TMEM132C: variants seen among roughly 807,000 people sequenced by gnomAD.
The protein encoded by TMEM132C is protein phosphatase 1, regulatory subunit 152.
Under a neutral mutation model 61.4 loss-of-function variants are expected in TMEM132C, and 29 were observed. The ratio of observed to expected loss-of-function variants is 0.47; its 90% CI spans 0.35 to 0.64. The LOEUF (loss-of-function observed/expected upper bound fraction) is 0.64. Among genes scored for constraint, TMEM132C ranks in the 30% least tolerant of loss-of-function variants. The pLI, the probability that TMEM132C is intolerant of heterozygous loss-of-function variation, is 0.00. For synonymous variants in TMEM132C, 656 were observed against 633.1 expected, an observed-to-expected ratio of 1.04 and a Z score of -0.54; for missense variants, 1,408 against 1,476.9, an observed-to-expected ratio of 0.95 and a Z score of 0.76.
rs147447658 is a variant in TMEM132C, at chr12:128,568,550, G to C, written c.1121+24447G>C. ...TAATCTCCACATCCCTACGAGGTGGGTGTGGTTATCAGCTCTGGTTTACAG... is the reference window on the plus strand; with the variant it reads ...TAATCTCCACATCCCTACGAGGTGGCTGTGGTTATCAGCTCTGGTTTACAG... On this transcript the variant is annotated intron_variant, in intron 3 of 8. Coordinates refer to ENST00000435159, the MANE Select transcript of TMEM132C (RefSeq NM_001136103.3). Among the ~76,000 whole-genome samples, 154 of 152,312 alleles carry C rather than the reference G, an allele frequency of 1.0e-3. 1 individual carries two copies. Among genetic ancestry groups the C allele is most frequent in the African/African-American group, 3.5e-3 (147 of 41,570 alleles).
chr12:128,493,609 G>A (rs536486676), intron 2 of TMEM132C, among the ~76,000 whole-genome samples: 47 of 152,256 alleles, frequency 3.1e-4, no homozygotes, highest in Middle Eastern at 3.4e-3. Flanking sequence ...TCTCTTTGAA[G>A]CAATTGCAAA....
rs542217577 is a variant in TMEM132C at position 128,551,217 on chromosome 12, CCT to C, written c.1121+7116_1121+7117del. Among the ~76,000 whole-genome samples the C allele has an allele frequency of 3.2e-3, 467 of 143,780 alleles. 4 individuals are homozygous for C. Among genetic ancestry groups the C allele is most frequent in the African/African-American group, 5.8e-3 (195 of 33,626 alleles). 94.3% of individuals were successfully genotyped at this position (143,780 alleles called of 152,430 possible). A position where few individuals can be genotyped will look rare whatever the true frequency, so the allele number is the denominator to read the frequency against. ...CTCTCAGAAACATAAGAGCCCCCCCCCTCCCGCTTCCTCCCCTGGTGAAATGT... is the reference window on the plus strand; with the variant it reads ...CTCTCAGAAACATAAGAGCCCCCCCCCCCGCTTCCTCCCCTGGTGAAATGT... On this transcript the variant is annotated intron_variant, in intron 3 of 8. Coordinates refer to ENST00000435159, the MANE Select transcript of TMEM132C (RefSeq NM_001136103.3).
chr12:128,529,056 T>G (rs1873190564), intron 2 of TMEM132C, among the ~76,000 whole-genome samples: 1 of 152,178 alleles, frequency 6.6e-6, no homozygotes, highest in African/African-American at 2.4e-5. Context: ...CAGGCAGATA[T>G]CGTCTCGCCT....
At chr12:128,557,706 C>G (rs1376045632) in intron 3 of TMEM132C, among the ~76,000 whole-genome samples, 3 of 152,250 alleles carry the variant, frequency 2.0e-5, no homozygotes. Context: ...CAAAGTTCAT[C>G]CACTTTGGAA....
intron 2 of TMEM132C, among the ~76,000 whole-genome samples, chr12:128,536,285 G>A (rs969301538): frequency 3.9e-5 from 6 of 152,014 alleles, no homozygotes; most frequent in Admixed American, 2.0e-4. Flanking sequence ...GCAAACTATC[G>A]CAAGGACAGA....
chr12:128,622,053 A>G (rs572062537), intron 4 of TMEM132C, among the ~76,000 whole-genome samples: 1 of 151,978 alleles, frequency 6.6e-6, no homozygotes, highest in South Asian at 2.1e-4. Context: ...CAAAATATAT[A>G]TGTATATGGG....
intron 2 of TMEM132C, among the ~76,000 whole-genome samples, chr12:128,534,874 G>T (rs1337308581): frequency 1.3e-5 from 2 of 152,218 alleles, no homozygotes; most frequent in Non-Finnish European, 2.9e-5. Context: ...GCACCAGTTG[G>T]TGAGAATCCT....
chr12:128,318,488 A>G (rs1174822976), intron 1 of TMEM132C, among the ~76,000 whole-genome samples: 1 of 152,204 alleles, frequency 6.6e-6, no homozygotes, highest in Non-Finnish European at 1.5e-5. Context: ...CGAGAACAAC[A>G]GGGGTCATTA....
At chr12:128,632,200 G>A (rs1954070217) in intron 4 of TMEM132C, among the ~76,000 whole-genome samples, 1 of 152,180 alleles carries the variant, frequency 6.6e-6, no homozygotes, top group African/African-American at 2.4e-5. Flanking sequence ...TTCTGCCAAT[G>A]TTATGAAGAC....
At chr12:128,605,714 A>G (rs907728867) in intron 3 of TMEM132C, among the ~76,000 whole-genome samples, 5 of 152,146 alleles carry the variant, frequency 3.3e-5, no homozygotes, top group Non-Finnish European at 7.4e-5. Flanking sequence ...TGCATGAGGC[A>G]CCACTGGGTT....
chr12:128,314,716 C>A (rs1372710508), intron 1 of TMEM132C, among the ~76,000 whole-genome samples: 1 of 152,166 alleles, frequency 6.6e-6, no homozygotes, highest in African/African-American at 2.4e-5. Context: ...TCAGGACTGC[C>A]GGCGGCCACC....
intron 2 of TMEM132C, among the ~76,000 whole-genome samples, chr12:128,516,450 G>A (rs1371345047): frequency 6.6e-6 from 1 of 152,192 alleles, no homozygotes; most frequent in Non-Finnish European, 1.5e-5. Context: ...TCAGGACACA[G>A]GATGGCTCTA....
At chr12:128,676,898 G>C (rs112469773) in intron 5 of TMEM132C, among the ~76,000 whole-genome samples, 16 of 152,318 alleles carry the variant, frequency 1.1e-4, no homozygotes, top group African/African-American at 3.4e-4. Context: ...TCTTGTCTGC[G>C]ATGTGCAGGT....
At chr12:128,424,272 A>C (rs1157194766) in intron 2 of TMEM132C, among the ~76,000 whole-genome samples, 3 of 152,140 alleles carry the variant, frequency 2.0e-5, no homozygotes, top group African/African-American at 7.2e-5. Flanking sequence ...AAACACATAA[A>C]TGTTCACATC....
rs1356425848 is a variant in TMEM132C at position 128,326,544 on chromosome 12, G to C, written c.85+59057G>C. On this transcript the variant is annotated intron_variant, in intron 1 of 8. Transcript: ENST00000435159. The surrounding 1 kb of genome is among the most constrained non-coding windows in gnomAD (Gnocchi z 5.6). ...CCTAGTGTGAGGTGGAGCAGCCCAG[G>C]CTTCCACAATATCTAGAATTGGAAC... is the stretch of plus-strand genomic sequence containing the variant. 6.6e-6 allele frequency among the ~76,000 whole-genome samples: 1 copy of C among 152,176 alleles called. No homozygotes were observed. Among genetic ancestry groups the C allele is most frequent in the Non-Finnish European group, 1.5e-5 (1 of 68,036 alleles).
chr12:128,459,701 A>G (rs1870468669), intron 2 of TMEM132C, among the ~76,000 whole-genome samples: 1 of 151,980 alleles, frequency 6.6e-6, no homozygotes, highest in African/African-American at 2.4e-5. Flanking sequence ...CCTGGCCGAG[A>G]TGGTGAAACC....
In TMEM132C at chr12:128,286,906, T is replaced by A. The variant is rs73430886; in HGVS notation, c.85+19419T>A. ...TCCTGGAAAACTTGAGAGAGAGGGG[T>A]AGAAAGAGTAAAGATGTTGGTCAAG... On this transcript the variant is annotated intron_variant, in intron 1 of 8. Transcript: ENST00000435159. Among the ~76,000 whole-genome samples, 714 of 151,580 alleles carry A rather than the reference T, an allele frequency of 4.7e-3. 9 individuals carry two copies. Among genetic ancestry groups the A allele is most frequent in the African/African-American group, 0.016 (674 of 41,292 alleles).
At chr12:128,674,629 G>A (rs1190363081) in intron 5 of TMEM132C, among the ~76,000 whole-genome samples, 4 of 152,204 alleles carry the variant, frequency 2.6e-5, no homozygotes, top group African/African-American at 9.7e-5. Flanking sequence ...AGATCTGGCA[G>A]AGCTACAGTG....
intron 1 of TMEM132C, among the ~76,000 whole-genome samples, chr12:128,383,225 CAT>C (rs1158798465): frequency 2.6e-5 from 4 of 152,158 alleles, no homozygotes; most frequent in East Asian, 1.9e-4. Context: ...AGCATATACA[CAT>C]GTCTGTGTAT....
Sources: gnomAD v4.1 joint callset for allele counts (sites outside exome capture counted in the v4.1 genomes callset) on GRCh38, gnomAD v4.1.1 for gene constraint, Gnocchi (gnomAD v3.1) non-coding constraint, MANE v1.5 for transcripts, NCBI Gene and HGNC (gene_info 2026-07-23, HGNC 2026-07-21) for gene names.